RCOR1: variants seen among roughly 807,000 people sequenced by gnomAD.
The protein encoded by RCOR1 is REST corepressor.
RCOR1 carries 12 observed loss-of-function variants against 64.0 expected under a neutral mutation model. The ratio of observed to expected loss-of-function variants is 0.19; its 90% CI spans 0.12 to 0.30. RCOR1 has a LOEUF of 0.30. Ranked by LOEUF, RCOR1 falls within the 10% of genes least tolerant of loss-of-function variation. The pLI is 1.00. For missense variants in RCOR1, 502 were observed against 621.2 expected (o/e 0.81, Z 2.04); for synonymous variants, 279 against 227.2 (o/e 1.23, Z -2.05).
At chr14:102,712,248 C>G (rs958509805) in intron 7 of RCOR1, among the ~76,000 whole-genome samples, 2 of 151,766 alleles carry the variant, frequency 1.3e-5, no homozygotes, top group Non-Finnish European at 2.9e-5. Flanking sequence ...AGTAGTATGA[C>G]CTTGGCTCAC....
chr14:102,721,288 A>T, intron 9 of RCOR1, 32 bp from the exon 10 acceptor site: 1 of 1,583,164 alleles, frequency 6.3e-7, no homozygotes, highest in Non-Finnish European at 8.7e-7. Flanking sequence ...CTCTAAATGT[A>T]ATGTGCTAAA....
chr14:102,654,734 GA>G (rs200568375), intron 2 of RCOR1, among the ~76,000 whole-genome samples: 2 of 141,790 alleles, frequency 1.4e-5, no homozygotes, highest in East Asian at 2.0e-4. Context: ...TTTAAAAAAA[GA>G]AAAAAAATAT....
chr14:102,696,412 A>T (rs1271712765), intron 3 of RCOR1, among the ~76,000 whole-genome samples: 2 of 152,200 alleles, frequency 1.3e-5, no homozygotes, highest in African/African-American at 2.4e-5. Context: ...AACGCAGTGG[A>T]TGGATTCTTG....
At chr14:102,637,388 A>G (rs1026726059) in intron 2 of RCOR1, among the ~76,000 whole-genome samples, 3 of 151,014 alleles carry the variant, frequency 2.0e-5, no homozygotes, top group Non-Finnish European at 4.4e-5. Context: ...TTGGCCTCCC[A>G]AAGTGCTGGG....
chr14:102,597,628 C>CTT lies in RCOR1; in HGVS notation c.361+4328_361+4329dup, dbSNP rs57656879. 4.8e-3 allele frequency among the ~76,000 whole-genome samples: 214 copies of CTT among 45,004 alleles called. 23 individuals carry two copies. The highest frequency in any genetic ancestry group is 0.018 in the African/African-American group (191 of 10,858). 29.5% of individuals were successfully genotyped at this position (45,004 alleles called of 152,430 possible). On this transcript the variant is annotated intron_variant, in intron 2 of 11. Coordinates refer to ENST00000262241, the MANE Select transcript of RCOR1 (RefSeq NM_015156.4). ...TCAGGCGTGAGCCACTGCGCCCGAC[C>CTT]TTTTTTTTTTTTTTTTTTTTTTTTT...
At position 102,682,747 on chromosome 14, in the gene RCOR1, A is replaced by G. The variant is rs528035362; in HGVS notation, c.445+769A>G. Among the ~76,000 whole-genome samples, 7 of 152,288 alleles carry G rather than the reference A, an allele frequency of 4.6e-5. No homozygotes were observed. The South Asian group carries it at 8.3e-4, about 18-fold the overall frequency. On this transcript the variant is annotated intron_variant, in intron 3 of 11. Coordinates refer to ENST00000262241, the MANE Select transcript of RCOR1 (RefSeq NM_015156.4). Reference sequence around the variant, plus strand: ...AATACTGAGCATTTTTTGAACCTTTATGCCAGCACAGTACTAAAATGTTTT... The same window carrying G: ...AATACTGAGCATTTTTTGAACCTTTGTGCCAGCACAGTACTAAAATGTTTT...
intron 3 of RCOR1, among the ~76,000 whole-genome samples, chr14:102,688,859 C>T (rs1434016596): frequency 1.3e-5 from 2 of 152,180 alleles, no homozygotes; most frequent in African/African-American, 4.8e-5. Context: ...GATTCCACAC[C>T]CTACCTCTGC....
intron 8 of RCOR1, among the ~76,000 whole-genome samples, chr14:102,720,491 C>T (rs969325736): frequency 2.0e-5 from 3 of 152,192 alleles, no homozygotes; most frequent in Admixed American, 2.0e-4. Context: ...GTGTTTTCCT[C>T]GCCCCCCCAT....
At chr14:102,647,670 TTTTA>T (rs1397225856) in intron 2 of RCOR1, among the ~76,000 whole-genome samples, 2 of 152,054 alleles carry the variant, frequency 1.3e-5, no homozygotes, top group African/African-American at 4.8e-5. Flanking sequence ...ACATCTTTAT[TTTTA>T]TTTATTTATT....
chr14:102,708,384 G>A, intron 5 of RCOR1, 81 bp from the exon 6 acceptor site: 1 of 821,370 alleles, frequency 1.2e-6, no homozygotes. Context: ...ACAGGCGTGA[G>A]CCGCTGCGCC....
chr14:102,722,488 AT>A (rs1360483607), intron 11 of RCOR1, 72 bp downstream of exon 11: 15 of 1,268,636 alleles, frequency 1.2e-5, no homozygotes, highest in Non-Finnish European at 1.1e-5. Flanking sequence ...AAAGTGATGA[AT>A]TTTTTCAGCT....
intron 2 of RCOR1, among the ~76,000 whole-genome samples, chr14:102,623,322 T>A: frequency 6.6e-6 from 1 of 151,938 alleles, no homozygotes; most frequent in East Asian, 1.9e-4. Context: ...TGTGTGCTAT[T>A]TGGAAAAAAT....
chr14:102,709,422 A>G (rs1895915414), intron 6 of RCOR1, among the ~76,000 whole-genome samples: 1 of 152,186 alleles, frequency 6.6e-6, no homozygotes, highest in South Asian at 2.1e-4. Flanking sequence ...ATTTCCTGTA[A>G]TATTTTTATC....
chr14:102,710,917 C>T lies in RCOR1; in HGVS notation c.780-18C>T, dbSNP rs1369659756. On this transcript the variant is annotated intron_variant, in intron 6 of 11. Coordinates refer to ENST00000262241, the MANE Select transcript of RCOR1 (RefSeq NM_015156.4). ...TTAGTACAAAATAATCATTCAGTAA[C>T]TTGTTCTTGTCTTCCAGCGAGGATG... is the stretch of plus-strand genomic sequence containing the variant. 6 of 1,563,560 alleles carry T rather than the reference C, an allele frequency of 3.8e-6. No homozygotes were observed. In the African/African-American group the frequency reaches 6.8e-5, roughly 18 times the overall value.
At chr14:102,670,753 ATATATT>A (rs1052728242) in intron 2 of RCOR1, among the ~76,000 whole-genome samples, 1 of 149,322 alleles carries the variant, frequency 6.7e-6, no homozygotes, top group Non-Finnish European at 1.5e-5. Flanking sequence ...ATATATATAT[ATATATT>A]TATTTATTTT....
At chr14:102,650,220 A>G (rs1894557696) in intron 2 of RCOR1, among the ~76,000 whole-genome samples, 1 of 149,930 alleles carries the variant, frequency 6.7e-6, no homozygotes, top group Non-Finnish European at 1.5e-5. Flanking sequence ...AAAAAGAATC[A>G]TAGTGGCCAT....
chr14:102,700,377 A>G (rs900535203), intron 3 of RCOR1, among the ~76,000 whole-genome samples: 51 of 152,012 alleles, frequency 3.4e-4, no homozygotes, highest in African/African-American at 1.2e-3. Context: ...ATGTGCCACC[A>G]CACCTGGCTA....
rs1365304580 is a variant in RCOR1, at chr14:102,624,446, A to G, written c.361+31121A>G. ...CTTGAACCCAGGAGGCAGAGGTTACAGTGAGCCAAGATCATGCCAACTGCA... is the reference window on the plus strand; with the variant it reads ...CTTGAACCCAGGAGGCAGAGGTTACGGTGAGCCAAGATCATGCCAACTGCA... On this transcript the variant is annotated intron_variant, in intron 2 of 11. Coordinates refer to ENST00000262241, the MANE Select transcript of RCOR1 (RefSeq NM_015156.4). 2.0e-5 allele frequency among the ~76,000 whole-genome samples: 3 copies of G among 150,848 alleles called. No homozygotes were observed. In the East Asian group the frequency reaches 5.9e-4, roughly 30 times the overall value.
chr14:102,604,537 C>T (rs1893465373), intron 2 of RCOR1, among the ~76,000 whole-genome samples: 1 of 152,128 alleles, frequency 6.6e-6, no homozygotes, highest in Non-Finnish European at 1.5e-5. Flanking sequence ...TTACTATCTC[C>T]ATTTTCCAGA....
Sources: allele counts gnomAD v4.1 joint callset (sites outside exome capture counted in the v4.1 genomes callset), GRCh38; gene constraint gnomAD v4.1.1; transcripts MANE v1.5; gene names NCBI Gene and HGNC (gene_info 2026-07-23, HGNC 2026-07-21).